EXOC6B: variants seen among roughly 807,000 people sequenced by gnomAD.
EXOC6B encodes the protein SEC15 homolog B.
In EXOC6B, 54 loss-of-function variants were observed where a neutral mutation model predicts 113.5. The ratio of observed to expected loss-of-function variants is 0.48; its 90% CI spans 0.38 to 0.60. The LOEUF is 0.60. EXOC6B is among the 20% of genes least tolerant of loss of function. The pLI is 0.00. For missense variants in EXOC6B, 797 were observed against 977.5 expected (o/e 0.82, Z 2.46); for synonymous variants, 357 against 339.0 (o/e 1.05, Z -0.58).
At chr2:72,642,901 C>T (rs899936091) in intron 6 of EXOC6B, among the ~76,000 whole-genome samples, 3 of 148,086 alleles carry the variant, frequency 2.0e-5, no homozygotes, top group Non-Finnish European at 3.0e-5. Flanking sequence ...CTACAATGAA[C>T]TCAAACAAAT....
chr2:72,708,215 T>C, intron 6 of EXOC6B, among the ~76,000 whole-genome samples: 1 of 151,990 alleles, frequency 6.6e-6, no homozygotes, highest in East Asian at 1.9e-4. Context: ...GGCAAACATA[T>C]AAACAATAGA....
intron 20 of EXOC6B, among the ~76,000 whole-genome samples, chr2:72,273,182 C>T (rs1684598277): frequency 6.6e-6 from 1 of 152,092 alleles, no homozygotes; most frequent in South Asian, 2.1e-4. Flanking sequence ...GGCCCCTTAA[C>T]AATTAGTTCA....
At chr2:72,714,854 T>G (rs1312515984) in intron 6 of EXOC6B, among the ~76,000 whole-genome samples, 2 of 152,150 alleles carry the variant, frequency 1.3e-5, no homozygotes, top group Non-Finnish European at 2.9e-5. Flanking sequence ...AAATTATATT[T>G]AGGGAAGAAC....
chr2:72,796,547 C>T (rs1684964512), intron 1 of EXOC6B, among the ~76,000 whole-genome samples: 1 of 151,626 alleles, frequency 6.6e-6, no homozygotes, highest in South Asian at 2.1e-4. Flanking sequence ...AGAACAGGAA[C>T]TCTATTTTAT....
chr2:72,260,254 A>C (rs957359845), intron 20 of EXOC6B, among the ~76,000 whole-genome samples: 17 of 152,154 alleles, frequency 1.1e-4, no homozygotes, highest in Non-Finnish European at 1.9e-4. Context: ...TGTATATCCA[A>C]GGGGGATGCT....
chr2:72,325,560 C>T (rs1413348750), intron 20 of EXOC6B, among the ~76,000 whole-genome samples: 5 of 151,826 alleles, frequency 3.3e-5, no homozygotes, highest in Non-Finnish European at 7.4e-5. Flanking sequence ...TCATCTTCTG[C>T]TTGTCTTCAC....
chr2:72,263,946 C>A (rs1054671985), intron 20 of EXOC6B, among the ~76,000 whole-genome samples: 2 of 152,174 alleles, frequency 1.3e-5, no homozygotes, highest in African/African-American at 4.8e-5. Flanking sequence ...GACAGGCAGG[C>A]AGAATGCTAT....
chr2:72,764,328 T>C (rs1157585427), intron 1 of EXOC6B, among the ~76,000 whole-genome samples: 1 of 151,090 alleles, frequency 6.6e-6, no homozygotes, highest in East Asian at 1.9e-4. Flanking sequence ...TTCCCAACTA[T>C]GCAAAATGAA....
At chr2:72,210,586 AC>A (rs1680126756) in intron 20 of EXOC6B, among the ~76,000 whole-genome samples, 1 of 152,162 alleles carries the variant, frequency 6.6e-6, no homozygotes, top group African/African-American at 2.4e-5. Flanking sequence ...TTTCCAGGAT[AC>A]CTACCTTCCC....
intron 18 of EXOC6B, among the ~76,000 whole-genome samples, chr2:72,399,406 G>C (rs977260578): frequency 6.6e-6 from 1 of 152,118 alleles, no homozygotes; most frequent in Non-Finnish European, 1.5e-5. Context: ...GTCTTAACTA[G>C]AGTAACCAGG....
intron 6 of EXOC6B, among the ~76,000 whole-genome samples, chr2:72,685,253 G>T (rs1294219308): frequency 6.6e-6 from 1 of 151,012 alleles, no homozygotes; most frequent in African/African-American, 2.4e-5. Flanking sequence ...GAAATGTTAA[G>T]AAAAAAAAAG....
At chr2:72,189,860 C>CTTCTTTTTTTTTTTTTTTT (rs1178321834) in intron 20 of EXOC6B, among the ~76,000 whole-genome samples, 2 of 87,212 alleles carry the variant, frequency 2.3e-5, no homozygotes, top group African/African-American at 1.3e-4. Flanking sequence ...CCTTCTTCTT[C>CTTCTTTTTTTTTTTTTTTT]TTTTTTTTTT....
chr2:72,182,294 C>A (rs1411275768), intron 21 of EXOC6B, among the ~76,000 whole-genome samples: 1 of 152,156 alleles, frequency 6.6e-6, no homozygotes, highest in Admixed American at 6.5e-5. Flanking sequence ...TTTCCTAGAT[C>A]CAGAGATTCC....
intron 21 of EXOC6B, among the ~76,000 whole-genome samples, chr2:72,180,723 C>T (rs1052000988): frequency 1.3e-5 from 2 of 152,182 alleles, no homozygotes; most frequent in Admixed American, 6.5e-5. Flanking sequence ...CTGTGGGTGG[C>T]CCTTTGCAGA....
intron 8 of EXOC6B, among the ~76,000 whole-genome samples, chr2:72,547,022 A>C (rs976070402): frequency 6.6e-5 from 10 of 152,254 alleles, no homozygotes; most frequent in African/African-American, 2.4e-4. Flanking sequence ...GAATTGGCGA[A>C]GCCTCTGAAA....
chr2:72,483,804 A>G (rs1699253189), intron 16 of EXOC6B, among the ~76,000 whole-genome samples: 1 of 152,222 alleles, frequency 6.6e-6, no homozygotes, highest in Admixed American at 6.5e-5. Context: ...GCAATTTCAG[A>G]TAACTTCCCT....
chr2:72,538,483 T>G (rs576360229), intron 8 of EXOC6B, among the ~76,000 whole-genome samples: 1 of 152,210 alleles, frequency 6.6e-6, no homozygotes, highest in South Asian at 2.1e-4. Flanking sequence ...TATTTCAGTA[T>G]GCAAATCAAA....
At chr2:72,344,141 T>C (rs1689181633) in intron 19 of EXOC6B, among the ~76,000 whole-genome samples, 2 of 152,202 alleles carry the variant, frequency 1.3e-5, no homozygotes, top group Admixed American at 1.3e-4. Flanking sequence ...TTCTATTCCT[T>C]ACTCAGTAAT....
intron 1 of EXOC6B, among the ~76,000 whole-genome samples, chr2:72,746,419 C>G (rs1055549871): frequency 1.3e-5 from 2 of 152,002 alleles, no homozygotes; most frequent in Non-Finnish European, 2.9e-5. Flanking sequence ...AAATAAACCA[C>G]CGGTTTGTGC....
Sources: allele counts gnomAD v4.1 joint callset (sites outside exome capture counted in the v4.1 genomes callset), GRCh38; gene constraint gnomAD v4.1.1; transcripts MANE v1.5; gene names NCBI Gene and HGNC (gene_info 2026-07-23, HGNC 2026-07-21).